The following DYNC2I1 variants were observed in gnomAD, a reference collection of about 807,000 sequenced individuals.
DYNC2I1 encodes the protein dynein 2 intermediate chain 1.
DYNC2I1 carries 89 observed loss-of-function variants against 133.4 expected under a neutral mutation model. The ratio of observed to expected loss-of-function variants is 0.67; its 90% CI spans 0.56 to 0.80. The LOEUF (loss-of-function observed/expected upper bound fraction) is 0.80. Among genes scored for constraint, DYNC2I1 ranks in the 30% least tolerant of loss-of-function variants. The pLI, the probability that DYNC2I1 is intolerant of heterozygous loss-of-function variation, is 0.00. For missense variants in DYNC2I1, 1,291 were observed against 1,314.5 expected (o/e 0.98, Z 0.28); for synonymous variants, 504 against 484.3 (o/e 1.04, Z -0.54).
At chr7:158,883,330 G>A (rs917761691) in intron 5 of DYNC2I1, among the ~76,000 whole-genome samples, 14 of 150,040 alleles carry the variant, frequency 9.3e-5, no homozygotes, top group African/African-American at 2.4e-4. Flanking sequence ...TGATTCTCCT[G>A]CCTCAGCCTC....
chr7:158,910,689 A>G (rs1267932361), intron 11 of DYNC2I1, among the ~76,000 whole-genome samples: 1 of 145,768 alleles, frequency 6.9e-6, no homozygotes, highest in African/African-American at 2.6e-5. Context: ...TCGTGGGCCG[A>G]TCACTATTTG....
intron 14 of DYNC2I1, among the ~76,000 whole-genome samples, chr7:158,915,759 G>A (rs112093088): frequency 1.3e-4 from 10 of 77,072 alleles, no homozygotes; most frequent in African/African-American, 3.1e-4. Flanking sequence ...ATTGTGAAAC[G>A]TCTACACGCT....
intron 14 of DYNC2I1, 109 bp downstream of exon 14, chr7:158,914,430 A>C: frequency 1.3e-6 from 1 of 796,740 alleles, no homozygotes; most frequent in Non-Finnish European, 1.9e-6. Context: ...GCTTGGATAA[A>C]TCAGAATCAG....
At chr7:158,857,432 A>G (rs200312099) in intron 1 of DYNC2I1, among the ~76,000 whole-genome samples, 1 of 152,144 alleles carries the variant, frequency 6.6e-6, no homozygotes, top group East Asian at 1.9e-4. Flanking sequence ...TAATTTGCAT[A>G]CATTTTCTTC....
chr7:158,954,746 T>C (rs1324598539), intron 4 of DYNC2I1, among the ~76,000 whole-genome samples: 1 of 152,242 alleles, frequency 6.6e-6, no homozygotes, highest in Non-Finnish European at 1.5e-5. Flanking sequence ...AATTATAGTC[T>C]CACCATCCAG....
rs149734535 is a variant in DYNC2I1 at position 158,875,509 on chromosome 7, T to A, written c.491-1100T>A. On this transcript the variant is annotated intron_variant, in intron 3 of 24. Transcript: ENST00000407559. ...TTTTACATCTGATGCCTTTTTTGTG[T>A]GCAGATTCAGAAGTGAAAGTCCAGC... Among the ~76,000 whole-genome samples, 67 of 152,354 alleles carry A rather than the reference T, an allele frequency of 4.4e-4. 1 individual carries two copies. The East Asian group carries it at 0.012, about 27-fold the overall frequency.
chr7:158,938,872 A>G (rs1851045111), intron 23 of DYNC2I1, among the ~76,000 whole-genome samples: 1 of 152,248 alleles, frequency 6.6e-6, no homozygotes, highest in African/African-American at 2.4e-5. Context: ...ATGTAATTAA[A>G]TACATGGACA....
In DYNC2I1 at chr7:158,914,221, T is replaced by A; in HGVS notation, c.1703-12T>A. On this transcript the variant is annotated splice_polypyrimidine_tract_variant and intron_variant, in intron 13 of 24. Transcript: ENST00000407559. ...TCGACTTCGTTGATTTTATATAAAC[T>A]GTTTTTTTTAGGCAGTGAACAAAGA... The A allele has an allele frequency of 6.2e-7, 1 of 1,602,112 alleles. No homozygotes were observed. Among genetic ancestry groups the A allele is most frequent in the East Asian group, 2.2e-5 (1 of 44,712 alleles).
intron 7 of DYNC2I1, 77 bp from the exon 8 acceptor site, chr7:158,891,188 G>GT: frequency 6.5e-7 from 1 of 1,527,316 alleles, no homozygotes; most frequent in Non-Finnish European, 9.1e-7. Context: ...CAGTGGTGGG[G>GT]TGGGGGGGAG....
At chr7:158,915,911 G>C (rs80032437) in intron 14 of DYNC2I1, among the ~76,000 whole-genome samples, 208 of 62,974 alleles carry the variant, frequency 3.3e-3, no homozygotes, top group African/African-American at 0.011. Context: ...ATTGTGAAAC[G>C]TCGACACGCT....
intron 8 of DYNC2I1, among the ~76,000 whole-genome samples, chr7:158,896,375 T>G (rs1393082928): frequency 6.6e-6 from 1 of 152,256 alleles, no homozygotes; most frequent in Admixed American, 6.5e-5. Flanking sequence ...AGCCTGTTGA[T>G]TTGATGGATT....
chr7:158,850,757 A>C, the DYNC2I1 span, among the ~76,000 whole-genome samples: 1 of 152,222 alleles, frequency 6.6e-6, no homozygotes, highest in Admixed American at 6.5e-5. Context: ...AACTGAAGCT[A>C]TCCCTATGCT....
At chr7:158,911,766 A>G (rs1173262835) in intron 12 of DYNC2I1, 87 bp downstream of exon 12, 30 of 1,442,430 alleles carry the variant, frequency 2.1e-5, no homozygotes, top group African/African-American at 4.3e-5. Flanking sequence ...ATGTTCTGCA[A>G]TATTAGAACT....
intron 8 of DYNC2I1, 80 bp downstream of exon 8, chr7:158,891,413 C>G (rs1845207082): frequency 6.6e-7 from 1 of 1,518,440 alleles, no homozygotes. Context: ...TTCCTGTCAG[C>G]ATTTTGCTAG....
the DYNC2I1 span, among the ~76,000 whole-genome samples, chr7:158,841,505 G>T: frequency 6.6e-6 from 1 of 151,988 alleles, no homozygotes; most frequent in African/African-American, 2.4e-5. Flanking sequence ...AAGCCACCAC[G>T]CCCGGCCCCA....
chr7:158,869,611 TATA>T, intron 1 of DYNC2I1: 2 of 528,212 alleles, frequency 3.8e-6, no homozygotes, highest in Non-Finnish European at 7.1e-6. Flanking sequence ...ACTTTTATTT[TATA>T]ATATTTAAGT....
At chr7:158,871,051 C>A in intron 2 of DYNC2I1, 91 bp from the exon 3 acceptor site, 1 of 1,413,712 alleles carries the variant, frequency 7.1e-7, no homozygotes, top group Non-Finnish European at 9.5e-7. Flanking sequence ...TAAGGCCCTT[C>A]AGCTGTGTGT....
intron 14 of DYNC2I1, among the ~76,000 whole-genome samples, chr7:158,915,416 G>C (rs1426212073): frequency 3.1e-5 from 4 of 129,306 alleles, no homozygotes; most frequent in African/African-American, 1.1e-4. Flanking sequence ...GGATGATTGT[G>C]AAACGTCGAC....
intron 8 of DYNC2I1, among the ~76,000 whole-genome samples, chr7:158,896,567 G>T (rs910370766): frequency 6.6e-6 from 1 of 152,150 alleles, no homozygotes; most frequent in Non-Finnish European, 1.5e-5. Context: ...AACCTGTCAT[G>T]CTCAAGCAAT....
Sources: gnomAD v4.1 joint callset for allele counts (sites outside exome capture counted in the v4.1 genomes callset) on GRCh38, gnomAD v4.1.1 for gene constraint, MANE v1.5 for transcripts, NCBI Gene and HGNC (gene_info 2026-07-23, HGNC 2026-07-21) for gene names.